EZH2: variants seen among roughly 807,000 people sequenced by gnomAD.
The protein encoded by EZH2 is enhancer of zeste 2 polycomb repressive complex 2 subunit.
EZH2 carries 18 observed loss-of-function variants against 98.4 expected under a neutral mutation model. That is an observed-to-expected ratio of 0.18 (90% CI 0.13 to 0.27). EZH2 has a LOEUF of 0.27. EZH2 is among the 10% of genes least tolerant of loss of function. The probability of loss-of-function intolerance (pLI) is 1.00; values close to 1 mark genes in which losing one functional copy is unlikely to be tolerated. For missense variants in EZH2, 470 were observed against 935.1 expected, an observed-to-expected ratio of 0.50 and a Z score of 6.49; for synonymous variants, 338 against 312.3, an observed-to-expected ratio of 1.08 and a Z score of -0.87.
At chr7:148,866,692 A>G (rs1018182285) in intron 1 of EZH2, among the ~76,000 whole-genome samples, 3 of 143,918 alleles carry the variant, frequency 2.1e-5, no homozygotes, top group African/African-American at 8.1e-5. Flanking sequence ...ATGCATATAT[A>G]TATACATATA....
At chr7:148,878,288 T>C (rs1820451630) in intron 1 of EZH2, among the ~76,000 whole-genome samples, 1 of 152,188 alleles carries the variant, frequency 6.6e-6, no homozygotes, top group Admixed American at 6.5e-5. Flanking sequence ...CTCACAGCCC[T>C]GGTAACCTCT....
intron 3 of EZH2, among the ~76,000 whole-genome samples, chr7:148,842,720 G>C (rs1428144741): frequency 6.6e-6 from 1 of 152,002 alleles, no homozygotes; most frequent in East Asian, 1.9e-4. Context: ...ATAATGCTTA[G>C]GTTCTATAAT....
intron 3 of EZH2, among the ~76,000 whole-genome samples, chr7:148,842,467 A>G (rs1812709483): frequency 6.6e-6 from 1 of 152,236 alleles, no homozygotes; most frequent in Non-Finnish European, 1.5e-5. Context: ...ACTGGTTGAC[A>G]AGACAAAGTT....
chr7:148,807,829 A>C (rs960900966), intron 19 of EZH2, 123 bp from the exon 20 acceptor site: 21 of 670,734 alleles, frequency 3.1e-5, no homozygotes, highest in Middle Eastern at 2.7e-4. Flanking sequence ...AAAAAAAAAA[A>C]AAAAAAACCC....
rs138892034 is a variant in EZH2 at position 148,808,961 on chromosome 7, C to T, written c.2195+110G>A. 573 of 783,604 alleles carry T rather than the reference C, an allele frequency of 7.3e-4. 3 individuals are homozygous for T. The African/African-American group carries it at 8.9e-3, about 12-fold the overall frequency. The allele number at this position is 783,604 out of a possible 1,614,324, so 48.5% of individuals were successfully genotyped here. On this transcript the variant is annotated intron_variant, in intron 19 of 19. Transcript: ENST00000320356. ...CCTAATTCCCCACTAATGCTCATGG[C>T]AAAGTGACCCATCAAAAGAAGCAAA...
intron 1 of EZH2, among the ~76,000 whole-genome samples, chr7:148,857,245 C>T (rs1410425475): frequency 2.0e-5 from 3 of 152,178 alleles, no homozygotes; most frequent in Non-Finnish European, 2.9e-5. Context: ...CTGAGAACAA[C>T]CACAGATCAG....
At position 148,809,372 on chromosome 7, in the gene EZH2, G is replaced by T. The variant is rs1802412684; in HGVS notation, c.2048C>A (p.Thr683Asn). ...NLNNDFVVDA[T>N]RKGNKIRFAN... ...AAAACGAATTTTGTTACCCTTGCGGGTTGCATCCACCACAAAATCTAAAAA... is the reference window on the plus strand; with the variant it reads ...AAAACGAATTTTGTTACCCTTGCGGTTTGCATCCACCACAAAATCTAAAAA... The change falls in exon 18 of 20, where the codon ACC becomes AAC. Residue 683 changes from threonine (T) to asparagine (N), a missense_variant. This residue lies in a region of EZH2 where 106 missense variants were observed against 327.2 expected (regional missense o/e 0.32). Coordinates refer to ENST00000320356, the MANE Select transcript of EZH2 (RefSeq NM_004456.5). 1 of 1,599,350 alleles carries T rather than the reference G, an allele frequency of 6.3e-7. No individual in the cohort carries two copies. Among genetic ancestry groups the T allele is most frequent in the Non-Finnish European group, 8.6e-7 (1 of 1,167,550 alleles).
chr7:148,817,244 A>G lies in EZH2; in HGVS notation c.1388T>C (p.Ile463Thr). 1 of 1,613,828 alleles carries G rather than the reference A, an allele frequency of 6.2e-7. No homozygotes were observed. The highest frequency in any genetic ancestry group is 2.2e-5 in the East Asian group (1 of 44,844). Residue 463 changes from isoleucine to threonine, a missense_variant, in exon 11 of 20, where the codon ATT becomes ACT. Around this residue, in one of 6 missense-constraint regions of EZH2, gnomAD observed 192 missense variants for 306.8 expected, o/e 0.63. Coordinates refer to ENST00000320356, the MANE Select transcript of EZH2 (RefSeq NM_004456.5). ...YDNFCAIARLIGTKTCRQVYE... is the reference protein window; with the variant it reads ...YDNFCAIARLTGTKTCRQVYE... ...TACCTGTCTACATGTTTTGGTCCCA[A>G]TTAACCTAGCAATGGCACAGAAATT...
intron 3 of EZH2, among the ~76,000 whole-genome samples, chr7:148,839,868 C>T (rs943959764): frequency 9.9e-5 from 15 of 152,120 alleles, no homozygotes; most frequent in African/African-American, 3.6e-4. Context: ...TTGTAATATA[C>T]AAAAAGTCCT....
chr7:148,876,362 T>C (rs971335813), intron 1 of EZH2: 1 of 152,130 alleles, frequency 6.6e-6, no homozygotes, highest in African/African-American at 2.4e-5. Context: ...GCAACCATTA[T>C]AGATCTTGAT....
chr7:148,816,488 C>T (rs1228631283), intron 12 of EZH2, among the ~76,000 whole-genome samples, 196 bp downstream of exon 12: 1 of 152,236 alleles, frequency 6.6e-6, no homozygotes, highest in Non-Finnish European at 1.5e-5. Context: ...ACCAAATATA[C>T]TGAAGGCTGC....
intron 3 of EZH2, among the ~76,000 whole-genome samples, chr7:148,846,209 C>CTT (rs537327194): frequency 6.7e-6 from 1 of 148,522 alleles, no homozygotes. Context: ...GATTTAAAAG[C>CTT]TTTTTTTTTT....
At chr7:148,817,123 G>A in intron 11 of EZH2, 99 bp downstream of exon 11, 1 of 1,133,244 alleles carries the variant, frequency 8.8e-7, no homozygotes, top group Non-Finnish European at 1.2e-6. Flanking sequence ...ATGAATAGGA[G>A]CTTAGTAATA....
chr7:148,828,747 G>C lies in EZH2; in HGVS notation c.618C>G (p.His206Gln). 1 of 1,612,964 alleles carries C rather than the reference G, an allele frequency of 6.2e-7. No homozygotes were observed. Among genetic ancestry groups the C allele is most frequent in the Non-Finnish European group, 8.5e-7 (1 of 1,179,836 alleles). ...REEKQKDLED[H>Q]RDDKESRPPR... Reference sequence around the variant, plus strand: ...CCTAATAATCAGGCATACCATCTCGGTGATCCTCCAGATCTTTCTGCTTTT... The same window carrying C: ...CCTAATAATCAGGCATACCATCTCGCTGATCCTCCAGATCTTTCTGCTTTT... Residue 206 changes from histidine (H) to glutamine (Q), a missense_variant, in exon 6 of 20, where the codon CAC becomes CAG. Physicochemically the swap from His to Gln is conservative, Grantham distance 24 (BLOSUM62 0). This residue lies in a region of EZH2 where 69 missense variants were observed against 78.3 expected (regional missense o/e 0.88). Transcript: ENST00000320356.
At chr7:148,811,304 C>T (rs1803014300) in intron 16 of EZH2, among the ~76,000 whole-genome samples, 1 of 152,154 alleles carries the variant, frequency 6.6e-6, no homozygotes, top group South Asian at 2.1e-4. Context: ...GTATGCACCA[C>T]CACGCCCGGC....
chr7:148,869,910 T>TG (rs1160482401), intron 1 of EZH2, among the ~76,000 whole-genome samples: 1 of 152,048 alleles, frequency 6.6e-6, no homozygotes, highest in Non-Finnish European at 1.5e-5. Context: ...AAGCTACTGG[T>TG]GGGATGTAGC....
chr7:148,839,083 AGG>A (rs1811698524), intron 3 of EZH2, among the ~76,000 whole-genome samples: 2 of 151,152 alleles, frequency 1.3e-5, no homozygotes, highest in Admixed American at 6.6e-5. Flanking sequence ...GAAGGAAGGA[AGG>A]AAGGAAGGAA....
At chr7:148,831,866 TCTC>T (rs1242893820) in intron 4 of EZH2, among the ~76,000 whole-genome samples, 2 of 152,216 alleles carry the variant, frequency 1.3e-5, no homozygotes, top group Non-Finnish European at 2.9e-5. Context: ...TGCTTCAGTT[TCTC>T]TTTAGCATTT....
chr7:148,880,424 C>T (rs1407203129), intron 1 of EZH2, among the ~76,000 whole-genome samples: 2 of 152,210 alleles, frequency 1.3e-5, no homozygotes, highest in Non-Finnish European at 2.9e-5. Flanking sequence ...TACCCTCTCT[C>T]GCCCTTTCCC....
Sources: allele counts gnomAD v4.1 joint callset (sites outside exome capture counted in the v4.1 genomes callset), GRCh38; gene constraint gnomAD v4.1.1; regional missense constraint gnomAD v4.1.1; transcripts MANE v1.5; gene names NCBI Gene and HGNC (gene_info 2026-07-23, HGNC 2026-07-21).